The following TTC23L variants were observed in gnomAD, a reference collection of about 807,000 sequenced individuals.
The protein encoded by TTC23L is tetratricopeptide repeat domain 23 like, also known as tetratricopeptide repeat protein 23-like.
Under a neutral mutation model 48.1 loss-of-function variants are expected in TTC23L, and 42 were observed. That is an observed-to-expected ratio of 0.87 (90% confidence interval 0.68 to 1.13). The LOEUF (loss-of-function observed/expected upper bound fraction) is 1.13. Among genes scored for constraint, TTC23L ranks in the 50% most tolerant of loss-of-function variants. TTC23L has a pLI of 0.00. For synonymous variants in TTC23L, 159 were observed against 157.2 expected (o/e 1.01, Z -0.09); for missense variants, 391 against 421.0 (o/e 0.93, Z 0.62).
the TTC23L span, chr5:34,925,509 T>C: frequency 6.3e-7 from 1 of 1,596,032 alleles, no homozygotes; most frequent in Non-Finnish European, 8.5e-7. Flanking sequence ...AATGGAAACC[T>C]GATTTGTTTT....
chr5:34,875,500 A>C (rs950293520), intron 8 of TTC23L, among the ~76,000 whole-genome samples: 1 of 152,084 alleles, frequency 6.6e-6, no homozygotes, highest in Non-Finnish European at 1.5e-5. Flanking sequence ...AAGCCAGTCT[A>C]ATCTTTTCAC....
At chr5:34,852,898 C>T (rs368723376) in intron 4 of TTC23L, among the ~76,000 whole-genome samples, 30 of 152,078 alleles carry the variant, frequency 2.0e-4, no homozygotes, top group Non-Finnish European at 2.6e-4. Context: ...TCTAACGTGG[C>T]GGCTGGCAAG....
chr5:34,922,500 T>C, the TTC23L span: 1 of 1,332,402 alleles, frequency 7.5e-7, no homozygotes, highest in South Asian at 1.2e-5. Flanking sequence ...TTGACTACAT[T>C]TGCTAATTAG....
At chr5:34,876,063 C>G (rs957577348) in intron 8 of TTC23L, among the ~76,000 whole-genome samples, 1 of 152,058 alleles carries the variant, frequency 6.6e-6, no homozygotes, top group Non-Finnish European at 1.5e-5. Flanking sequence ...TCAAGAGAAA[C>G]TTTAAAATGT....
chr5:34,898,990 G>A (rs1561164134), intron 10 of TTC23L, among the ~76,000 whole-genome samples: 2 of 152,098 alleles, frequency 1.3e-5, no homozygotes, highest in African/African-American at 4.8e-5. Context: ...CTTTCACAGG[G>A]CCTCGGGCTG....
chr5:34,845,747 A>T (rs1561119382), intron 3 of TTC23L, 74 bp downstream of exon 3: 4 of 1,397,138 alleles, frequency 2.9e-6, no homozygotes, highest in Non-Finnish European at 3.9e-6. Context: ...TTTGCCTTCG[A>T]TGCAGATTGA....
rs374132550 is a variant in TTC23L, at chr5:34,877,850, G to C, written c.950-2331G>C. 2.3e-4 allele frequency among the ~76,000 whole-genome samples: 35 copies of C among 152,110 alleles called. No individual in the cohort carries two copies. In the East Asian group the frequency reaches 2.5e-3, roughly 11 times the overall value. The stretch of plus-strand genomic sequence containing the variant: ...TAGCTAATGGAATAAGAGAAGAAAA[G>C]GAAATAAAAACTATACTATAATATT... On this transcript the variant is annotated intron_variant, in intron 8 of 10. Coordinates refer to ENST00000505624, the Ensembl canonical transcript of TTC23L.
At chr5:34,911,809 G>C in the TTC23L span, 27,250 of 1,613,912 alleles carry the variant, frequency 0.017, 314 homozygotes, top group Non-Finnish European at 0.019. Flanking sequence ...TGCAGTTAAA[G>C]TCCCTGCAAT....
chr5:34,897,064 T>C (rs145937417), intron 10 of TTC23L, among the ~76,000 whole-genome samples, 189 bp downstream of exon 10: 180 of 152,118 alleles, frequency 1.2e-3, no homozygotes, highest in African/African-American at 4.2e-3. Flanking sequence ...AGGTTACTTT[T>C]CTGAAGGGCT....
chr5:34,867,019 A>T (rs1347718788), exon 7 of TTC23L: 1 of 1,612,138 alleles, frequency 6.2e-7, no homozygotes, highest in East Asian at 2.2e-5. Flanking sequence ...AGCTGCTCAG[A>T]TAGAGCAGCT....
At chr5:34,923,272 A>C in the TTC23L span, 1 of 1,407,132 alleles carries the variant, frequency 7.1e-7, no homozygotes, top group Non-Finnish European at 1.0e-6. Flanking sequence ...CCTTTTTTTT[A>C]ATTGAGTTTA....
chr5:34,894,561 C>T (rs551440015), intron 9 of TTC23L, among the ~76,000 whole-genome samples: 37 of 152,224 alleles, frequency 2.4e-4, no homozygotes, highest in African/African-American at 8.9e-4. Flanking sequence ...TGTCATTTTA[C>T]TTTTTACAAT....
At chr5:34,853,794 T>G (rs1360735755) in intron 4 of TTC23L, among the ~76,000 whole-genome samples, 2 of 152,066 alleles carry the variant, frequency 1.3e-5, no homozygotes, top group Non-Finnish European at 2.9e-5. Context: ...GCAACTTGGT[T>G]TGGTAGAGAC....
At chr5:34,853,690 A>G (rs1759875041) in intron 4 of TTC23L, among the ~76,000 whole-genome samples, 1 of 152,164 alleles carries the variant, frequency 6.6e-6, no homozygotes, top group South Asian at 2.1e-4. Context: ...GAAAAGAAGT[A>G]CAACAGTGGT....
chr5:34,894,649 G>T (rs144446422), intron 9 of TTC23L, among the ~76,000 whole-genome samples: 179 of 152,242 alleles, frequency 1.2e-3, no homozygotes, highest in African/African-American at 4.2e-3. Context: ...CCATGTAGTG[G>T]TAAGGAATGG....
intron 6 of TTC23L, among the ~76,000 whole-genome samples, chr5:34,865,569 A>C (rs1296574231): frequency 1.3e-5 from 2 of 152,188 alleles, no homozygotes; most frequent in Non-Finnish European, 2.9e-5. Flanking sequence ...GTATTTATTG[A>C]ATACCTTTTT....
intron 4 of TTC23L, among the ~76,000 whole-genome samples, chr5:34,860,156 G>A (rs1014776380): frequency 2.6e-5 from 4 of 151,862 alleles, no homozygotes; most frequent in Non-Finnish European, 5.9e-5. Flanking sequence ...CTGCTTATAC[G>A]TTTTTCAATT....
At chr5:34,918,435 A>G in the TTC23L span, 1 of 1,610,704 alleles carries the variant, frequency 6.2e-7, no homozygotes, top group Non-Finnish European at 8.5e-7. Context: ...CAAGACATTT[A>G]ATGCAGGACT....
rs1023457121 is a variant in TTC23L, at chr5:34,866,451, AT to A, written c.663-432del. ...ATCACTCTCTTGGGGGAATATTTACATTTTTTTTTCTATCCTCATTTTTAAC... is the reference window on the plus strand; with the variant it reads ...ATCACTCTCTTGGGGGAATATTTACATTTTTTTTCTATCCTCATTTTTAAC... On this transcript the variant is annotated intron_variant, in intron 6 of 10. Coordinates refer to ENST00000505624, the Ensembl canonical transcript of TTC23L. Among the ~76,000 whole-genome samples, 7 of 151,430 alleles carry A rather than the reference AT, an allele frequency of 4.6e-5. No homozygotes were observed. The South Asian group carries it at 6.3e-4, about 14-fold the overall frequency.
Sources: gnomAD v4.1 joint callset for allele counts (sites outside exome capture counted in the v4.1 genomes callset) on GRCh38, gnomAD v4.1.1 for gene constraint, MANE v1.5 for transcripts, NCBI Gene and HGNC (gene_info 2026-07-23, HGNC 2026-07-21) for gene names.